The following GLIS3 variants were observed in gnomAD, a reference collection of about 807,000 sequenced individuals.
The protein encoded by GLIS3 is GLIS family zinc finger 3.
GLIS3 carries 53 observed loss-of-function variants against 78.6 expected under a neutral mutation model. That is an observed-to-expected ratio of 0.67 (90% CI 0.54 to 0.85). The LOEUF (loss-of-function observed/expected upper bound fraction) is 0.85. GLIS3 is among the 40% of genes least tolerant of loss of function. The probability of loss-of-function intolerance (pLI) is 0.00; values close to 1 mark genes in which losing one functional copy is unlikely to be tolerated. For missense variants in GLIS3, 1,703 were observed against 1,231.1 expected (o/e 1.38, Z -5.74); for synonymous variants, 684 against 509.9 (o/e 1.34, Z -4.60).
chr9:4,261,413 G>T (rs1244258071), intron 2 of GLIS3, among the ~76,000 whole-genome samples: 1 of 152,166 alleles, frequency 6.6e-6, no homozygotes, highest in African/African-American at 2.4e-5. Flanking sequence ...GATAAAAAGA[G>T]AACAGAAGGG....
At position 4,241,485 on chromosome 9, in the gene GLIS3, A is replaced by G. The variant is rs1353868762; in HGVS notation, c.388+44553T>C. On this transcript the variant is annotated intron_variant, in intron 2 of 10. Coordinates refer to ENST00000381971, the MANE Select transcript of GLIS3 (RefSeq NM_001042413.2). ...TTCAAACGTTTCTACCTTAAAGACA[A>G]TACTTGAGGTGATGTACACCCCAAC... Among the ~76,000 whole-genome samples the G allele has an allele frequency of 2.6e-5, 4 of 152,186 alleles. No homozygotes were observed. In the East Asian group the frequency reaches 7.7e-4, roughly 29 times the overall value.
intron 8 of GLIS3, among the ~76,000 whole-genome samples, chr9:3,864,541 A>G (rs1393697584): frequency 1.3e-5 from 2 of 152,238 alleles, no homozygotes; most frequent in Admixed American, 6.5e-5. Context: ...AAGTGTGGTC[A>G]GGTACCTTTG....
At chr9:4,243,017 T>G (rs1823464500) in intron 2 of GLIS3, among the ~76,000 whole-genome samples, 1 of 152,198 alleles carries the variant, frequency 6.6e-6, no homozygotes, top group African/African-American at 2.4e-5. Context: ...CAATGAGGTT[T>G]TAGTATATTC....
chr9:4,081,602 T>G (rs1010774786), intron 4 of GLIS3, among the ~76,000 whole-genome samples: 2 of 152,172 alleles, frequency 1.3e-5, no homozygotes, highest in East Asian at 1.9e-4. Context: ...TCCCAACTAG[T>G]TGGAAATATA....
chr9:4,002,320 C>T (rs1821176633), intron 4 of GLIS3, among the ~76,000 whole-genome samples: 1 of 152,096 alleles, frequency 6.6e-6, no homozygotes, highest in Admixed American at 6.5e-5. Context: ...CCAGTAAGTC[C>T]AGTAAAATTC....
rs148113993 is a variant in GLIS3, at chr9:4,013,234, C to G, written c.1711-76045G>C. 8.4e-3 allele frequency among the ~76,000 whole-genome samples: 1,278 copies of G among 152,234 alleles called. 21 individuals carry two copies. The highest frequency in any genetic ancestry group is 0.03 in the African/African-American group (1,226 of 41,524). On this transcript the variant is annotated intron_variant, in intron 4 of 10. Transcript: ENST00000381971. ...TGCATCCACTTCCCAGAGGAAGAGC[C>G]ACTACAGACGTTAAGCAGCTTAAAG...
intron 2 of GLIS3, among the ~76,000 whole-genome samples, chr9:4,163,951 C>G (rs1242726100): frequency 6.6e-6 from 1 of 152,224 alleles, no homozygotes; most frequent in Non-Finnish European, 1.5e-5. Flanking sequence ...GCTATAAGCC[C>G]TCATTCATGG....
At chr9:3,998,546 G>C (rs570976536) in intron 4 of GLIS3, among the ~76,000 whole-genome samples, 19 of 151,596 alleles carry the variant, frequency 1.3e-4, no homozygotes, top group African/African-American at 4.6e-4. Context: ...CTAGTAAGTA[G>C]AGTTTAAGAT....
intron 4 of GLIS3, chr9:4,034,440 G>C (rs1296106534): frequency 6.6e-6 from 1 of 152,092 alleles, no homozygotes; most frequent in Non-Finnish European, 1.5e-5. Flanking sequence ...TTCAGAGCAG[G>C]GATATGTTAA....
intron 4 of GLIS3, among the ~76,000 whole-genome samples, chr9:3,974,625 A>C (rs1251998308): frequency 2.0e-5 from 3 of 152,216 alleles, no homozygotes; most frequent in Non-Finnish European, 4.4e-5. Context: ...GGCTGAGAGT[A>C]CATGGGGAAT....
At chr9:4,423,032 G>C in the GLIS3 span, among the ~76,000 whole-genome samples, 9 of 152,038 alleles carry the variant, frequency 5.9e-5, no homozygotes, top group Non-Finnish European at 1.3e-4. Context: ...GGACAGAAGG[G>C]GTCAGAAGCA....
At chr9:4,320,133 G>T (rs75952583) in intron 2 of GLIS3, among the ~76,000 whole-genome samples, 1 of 152,170 alleles carries the variant, frequency 6.6e-6, no homozygotes, top group Admixed American at 6.5e-5. Context: ...CCCAATGGGC[G>T]TATCTGAGTC....
intron 4 of GLIS3, among the ~76,000 whole-genome samples, chr9:4,027,845 G>C (rs1823476312): frequency 6.6e-6 from 1 of 152,172 alleles, no homozygotes; most frequent in South Asian, 2.1e-4. Flanking sequence ...TCGTAGGAGA[G>C]GTACGCTCCA....
intron 4 of GLIS3, among the ~76,000 whole-genome samples, chr9:3,980,677 T>A (rs534819441): frequency 1.3e-5 from 2 of 152,304 alleles, no homozygotes; most frequent in Admixed American, 1.3e-4. Flanking sequence ...TGGAATTTCT[T>A]TTCAAAAAGT....
chr9:4,363,616 T>C, the GLIS3 span, among the ~76,000 whole-genome samples: 3 of 152,212 alleles, frequency 2.0e-5, no homozygotes, highest in Non-Finnish European at 4.4e-5. Flanking sequence ...GTCCAAGAGA[T>C]GTTTCCTAGC....
chr9:4,045,411 C>T (rs1390033230), intron 4 of GLIS3, among the ~76,000 whole-genome samples: 1 of 152,084 alleles, frequency 6.6e-6, no homozygotes, highest in East Asian at 1.9e-4. Context: ...TCTCGGCTCA[C>T]TGCATCCTCC....
At chr9:4,329,547 G>A (rs1388720272) in intron 2 of GLIS3, among the ~76,000 whole-genome samples, 1 of 152,112 alleles carries the variant, frequency 6.6e-6, no homozygotes, top group African/African-American at 2.4e-5. Context: ...AAGTCAATAG[G>A]CTAGAAAGCA....
intron 2 of GLIS3, among the ~76,000 whole-genome samples, chr9:4,342,455 G>A (rs1442265193): frequency 2.6e-5 from 4 of 152,140 alleles, no homozygotes; most frequent in African/African-American, 9.7e-5. Flanking sequence ...ATTGGTCTAT[G>A]TGTCTGTGTA....
chr9:4,227,596 G>C (rs959359824), intron 2 of GLIS3, among the ~76,000 whole-genome samples: 1 of 152,188 alleles, frequency 6.6e-6, no homozygotes, highest in Non-Finnish European at 1.5e-5. Context: ...GGAAAAGCCA[G>C]TAACTGCAAG....
Sources: gnomAD v4.1 joint callset for allele counts (sites outside exome capture counted in the v4.1 genomes callset) on GRCh38, gnomAD v4.1.1 for gene constraint, MANE v1.5 for transcripts, NCBI Gene and HGNC (gene_info 2026-07-23, HGNC 2026-07-21) for gene names.